The following WIPI2 variants were observed in gnomAD, a reference collection of about 807,000 sequenced individuals.
WIPI2 encodes WD repeat domain phosphoinositide-interacting protein 2.
A neutral mutation model predicts 52.3 loss-of-function variants in WIPI2; 28 were observed. The observed-to-expected ratio is 0.54, with a 90% CI of 0.40 to 0.73. The LOEUF is 0.73. Among genes scored for constraint, WIPI2 ranks in the 30% least tolerant of loss-of-function variants. The probability of loss-of-function intolerance (pLI) is 0.00; values close to 1 mark genes in which losing one functional copy is unlikely to be tolerated. For missense variants in WIPI2, 506 were observed against 602.9 expected, an observed-to-expected ratio of 0.84 and a Z score of 1.68; for synonymous variants, 268 against 245.0, an observed-to-expected ratio of 1.09 and a Z score of -0.88.
At chr7:5,216,731 G>T (rs1472492128) in intron 5 of WIPI2, 72 bp downstream of exon 5, 1 of 1,467,776 alleles carries the variant, frequency 6.8e-7, no homozygotes, top group African/African-American at 1.4e-5. Context: ...AGGTGAGAGA[G>T]ATTTTTTCTT....
At chr7:5,224,781 T>A (rs1783345184) in intron 8 of WIPI2, among the ~76,000 whole-genome samples, 1 of 152,196 alleles carries the variant, frequency 6.6e-6, no homozygotes, top group African/African-American at 2.4e-5. Flanking sequence ...CTCCCAAAGT[T>A]AATTCAGCCT....
chr7:5,191,014 G>GT (rs1459659415), intron 1 of WIPI2, among the ~76,000 whole-genome samples: 1 of 150,058 alleles, frequency 6.7e-6, no homozygotes, highest in Admixed American at 6.6e-5. Context: ...GTTTGTTTTT[G>GT]TTTTTTGGGG....
intron 3 of WIPI2, among the ~76,000 whole-genome samples, chr7:5,213,680 GTTGTTGT>G (rs750087339): frequency 0.011 from 513 of 45,646 alleles, no homozygotes; most frequent in Admixed American, 0.016. Flanking sequence ...TGTTGTTGTT[GTTGTTGT>G]TGTTGTTGTT....
chr7:5,202,981 A>G (rs1007942394), intron 3 of WIPI2, among the ~76,000 whole-genome samples: 3 of 152,236 alleles, frequency 2.0e-5, no homozygotes, highest in African/African-American at 7.2e-5. Context: ...ATTCTGAGCT[A>G]GGAAAACATC....
In WIPI2 at chr7:5,195,473, G is replaced by A. The variant is rs540684641; in HGVS notation, c.128+2302G>A. 1.5e-4 allele frequency among the ~76,000 whole-genome samples: 23 copies of A among 152,310 alleles called. 2 individuals carry two copies. The highest frequency in any genetic ancestry group is 1.5e-3 in the Admixed American group (23 of 15,310). ...TGTGCCCCAGCCTGGGTGGCAGAGTGAGACCCTGTCTCAAAAAAATAAATA... is the reference window on the plus strand; with the variant it reads ...TGTGCCCCAGCCTGGGTGGCAGAGTAAGACCCTGTCTCAAAAAAATAAATA... On this transcript the variant is annotated intron_variant, in intron 2 of 12. Transcript: ENST00000288828.
At position 5,216,922 on chromosome 7, in the gene WIPI2, AGGTG is replaced by A. The variant is rs1562399672; in HGVS notation, c.479-165_479-162del. ...CTCTTGACAATACTGGTATCACCTA[AGGTG>A]GGGATTTGGGGTTGCAGAACTTTCC... On this transcript the variant is annotated intron_variant, in intron 5 of 12. Coordinates refer to ENST00000288828, the MANE Select transcript of WIPI2 (RefSeq NM_015610.4). 55 of 755,192 alleles carry A rather than the reference AGGTG, an allele frequency of 7.3e-5. No individual in the cohort carries two copies. In the African/African-American group the frequency reaches 7.9e-4, roughly 11 times the overall value. The allele number at this position is 755,192 out of a possible 1,614,324, so 46.8% of individuals were successfully genotyped here.
At chr7:5,216,949 T>C (rs1036247976) in intron 5 of WIPI2, 141 bp from the exon 6 acceptor site, 10 of 979,582 alleles carry the variant, frequency 1.0e-5, no homozygotes, top group African/African-American at 6.6e-5. Context: ...TGCAGAACTT[T>C]CCTAACACAG....
intron 3 of WIPI2, among the ~76,000 whole-genome samples, chr7:5,212,762 C>A (rs1782619393): frequency 6.6e-6 from 1 of 152,236 alleles, no homozygotes; most frequent in African/African-American, 2.4e-5. Context: ...AAGCAATCCT[C>A]CCACCTTGGC....
intron 6 of WIPI2, chr7:5,217,601 G>A (rs7800465): frequency 0.94 from 399,701 of 424,202 alleles, 188,451 homozygotes; most frequent in African/African-American, 0.98. Context: ...CAGCCCCACT[G>A]CTCTCTTCTC....
Position 5,232,564 on chromosome 7 carries a change from C to T in WIPI2, c.*1617C>T. 2.7e-6 allele frequency: 1 copy of T among 369,542 alleles called. No individual in the cohort carries two copies. The allele number at this position is 369,542 out of a possible 1,614,324, so 22.9% of individuals were successfully genotyped here. A position where few individuals can be genotyped will look rare whatever the true frequency, so the allele number is the denominator to read the frequency against. ...GGGATCCCGGTCACGCAGGCTGAGA[C>T]AGTGGGGACCGCCGAGGCCAGAGTG... is the stretch of plus-strand genomic sequence containing the variant. On this transcript the variant is annotated 3_prime_UTR_variant, in exon 13 of 13. Coordinates refer to ENST00000288828, the MANE Select transcript of WIPI2 (RefSeq NM_015610.4).
chr7:5,194,318 T>C (rs181269125), intron 2 of WIPI2, among the ~76,000 whole-genome samples: 36 of 152,294 alleles, frequency 2.4e-4, no homozygotes, highest in African/African-American at 8.2e-4. Flanking sequence ...TGGTTTACAG[T>C]GTCGGGCTCT....
chr7:5,217,013 T>G, intron 5 of WIPI2, 77 bp from the exon 6 acceptor site: 1 of 1,388,976 alleles, frequency 7.2e-7, no homozygotes, highest in Non-Finnish European at 1.0e-6. Flanking sequence ...GTTAAATGAA[T>G]GCTGAATTAT....
At chr7:5,195,503 T>C (rs916431200) in intron 2 of WIPI2, among the ~76,000 whole-genome samples, 5 of 152,092 alleles carry the variant, frequency 3.3e-5, no homozygotes, top group African/African-American at 1.2e-4. Flanking sequence ...TAAATAAAAA[T>C]AAATAAATCC....
In WIPI2 at chr7:5,227,482, G is replaced by A. The variant is rs1294280916; in HGVS notation, c.1013+138G>A. On this transcript the variant is annotated intron_variant, in intron 10 of 12. Coordinates refer to ENST00000288828, the MANE Select transcript of WIPI2 (RefSeq NM_015610.4). The surrounding 1 kb of genome is among the most constrained non-coding windows in gnomAD (Gnocchi z 8.1). ...CCGACACTCCATCGAGAGTTGTCGGGGATGGGAGGTCCCCTGGCAGGCACT... is the reference window on the plus strand; with the variant it reads ...CCGACACTCCATCGAGAGTTGTCGGAGATGGGAGGTCCCCTGGCAGGCACT... 4.9e-6 allele frequency: 6 copies of A among 1,233,074 alleles called. No individual in the cohort carries two copies. The African/African-American group carries it at 7.6e-5, about 16-fold the overall frequency. The allele number at this position is 1,233,074 out of a possible 1,614,324, so 76.4% of individuals were successfully genotyped here.
chr7:5,212,422 G>A (rs924777212), intron 3 of WIPI2, among the ~76,000 whole-genome samples: 1 of 152,180 alleles, frequency 6.6e-6, no homozygotes, highest in African/African-American at 2.4e-5. Context: ...ACAGTGGCCG[G>A]GGAAGGGCCT....
chr7:5,201,297 C>T (rs1477831253), intron 3 of WIPI2, among the ~76,000 whole-genome samples: 1 of 152,212 alleles, frequency 6.6e-6, no homozygotes, highest in African/African-American at 2.4e-5. Context: ...AGAGGTTTTT[C>T]CCTTGCTGGG....
At chr7:5,193,995 A>T (rs1781616390) in intron 2 of WIPI2, among the ~76,000 whole-genome samples, 1 of 152,238 alleles carries the variant, frequency 6.6e-6, no homozygotes, top group Admixed American at 6.5e-5. Context: ...AACAGCAGTG[A>T]CCAGTGGGAA....
chr7:5,230,822 C>G lies in WIPI2; in HGVS notation c.1253-13C>G. 6.2e-7 allele frequency: 1 copy of G among 1,607,646 alleles called. No individual in the cohort carries two copies. The highest frequency in any genetic ancestry group is 8.5e-7 in the Non-Finnish European group (1 of 1,176,354). On this transcript the variant is annotated splice_polypyrimidine_tract_variant and intron_variant, in intron 12 of 12. Coordinates refer to ENST00000288828, the MANE Select transcript of WIPI2 (RefSeq NM_015610.4). This position sits in a 1 kb window ranked among gnomAD's most constrained non-coding sequence, Gnocchi z 4.8. ...CCCAGCCTTTGAAGGGTGACTTCGTCGTCTCTTTGCAGCCTACACAGACGA... is the reference window on the plus strand; with the variant it reads ...CCCAGCCTTTGAAGGGTGACTTCGTGGTCTCTTTGCAGCCTACACAGACGA...
intron 4 of WIPI2, 31 bp downstream of exon 4, chr7:5,214,735 G>A (rs1157904484): frequency 9.9e-6 from 16 of 1,610,734 alleles, no homozygotes; most frequent in Non-Finnish European, 1.4e-5. Context: ...GTGTGGGCTT[G>A]TCTGTTGCTC....
Sources: allele counts gnomAD v4.1 joint callset (sites outside exome capture counted in the v4.1 genomes callset), GRCh38; gene constraint gnomAD v4.1.1; non-coding constraint Gnocchi (gnomAD v3.1); transcripts MANE v1.5; gene names NCBI Gene and HGNC (gene_info 2026-07-23, HGNC 2026-07-21).